The following AK7 variants were observed in gnomAD, a reference collection of about 807,000 sequenced individuals.
The protein encoded by AK7 is ATP-AMP transphosphorylase 7.
Under a neutral mutation model 96.6 loss-of-function variants are expected in AK7, and 78 were observed. The observed-to-expected ratio is 0.81, with a 90% CI of 0.67 to 0.97. The LOEUF (loss-of-function observed/expected upper bound fraction) is 0.97. Ranked by LOEUF, AK7 falls within the 50% of genes least tolerant of loss-of-function variation. AK7 has a pLI of 0.00. For synonymous variants in AK7, 302 were observed against 317.2 expected (o/e 0.95, Z 0.51); for missense variants, 855 against 887.9 (o/e 0.96, Z 0.47).
chr14:96,415,327 A>G (rs957086770), intron 4 of AK7, among the ~76,000 whole-genome samples: 5 of 152,062 alleles, frequency 3.3e-5, no homozygotes, highest in African/African-American at 1.2e-4. Flanking sequence ...TTTTGAAAAG[A>G]AAAGAAAAAA....
At chr14:96,450,272 T>C (rs1893515057) in intron 9 of AK7, among the ~76,000 whole-genome samples, 1 of 151,862 alleles carries the variant, frequency 6.6e-6, no homozygotes, top group Admixed American at 6.6e-5. Flanking sequence ...CAAAATTAGC[T>C]GGGCATGGTG....
chr14:96,425,212 C>A (rs8015440), intron 5 of AK7, among the ~76,000 whole-genome samples: 91,573 of 151,966 alleles, frequency 0.6, 27,759 homozygotes, highest in East Asian at 0.68. Flanking sequence ...CCGATTATGG[C>A]CCAGGCACTG....
intron 8 of AK7, among the ~76,000 whole-genome samples, chr14:96,447,994 G>A (rs888553247): frequency 2.0e-5 from 3 of 151,810 alleles, no homozygotes; most frequent in African/African-American, 7.3e-5. Context: ...AGCCGTGCAT[G>A]GTGGTGTGCC....
intron 10 of AK7, among the ~76,000 whole-genome samples, chr14:96,454,993 C>T (rs1286863378): frequency 6.6e-6 from 1 of 151,942 alleles, no homozygotes; most frequent in Admixed American, 6.6e-5. Flanking sequence ...GGTGAAACCC[C>T]ATTTCTACTA....
intron 13 of AK7, among the ~76,000 whole-genome samples, chr14:96,471,858 C>G (rs766779858): frequency 6.6e-6 from 1 of 151,684 alleles, no homozygotes; most frequent in Non-Finnish European, 1.5e-5. Context: ...ATACTTAACA[C>G]GAGATCTGCC....
intron 8 of AK7, 29 bp downstream of exon 8, chr14:96,446,636 G>A (rs771896000): frequency 6.2e-7 from 1 of 1,600,042 alleles, no homozygotes; most frequent in Admixed American, 1.7e-5. Context: ...ATACTTTGAT[G>A]ACATATCGTA....
Position 96,488,385 on chromosome 14 carries a change from G to C in AK7, c.*42G>C. 6.3e-7 allele frequency: 1 copy of C among 1,576,350 alleles called. No homozygotes were observed. The highest frequency in any genetic ancestry group is 8.7e-7 in the Non-Finnish European group (1 of 1,152,900). ...TATTATCTACCTTTACAGAACCACAGATCACTTATTATACTTTGAAAAATT... is the reference window on the plus strand; with the variant it reads ...TATTATCTACCTTTACAGAACCACACATCACTTATTATACTTTGAAAAATT... On this transcript the variant is annotated 3_prime_UTR_variant, in exon 18 of 18. Transcript: ENST00000267584.
intron 5 of AK7, among the ~76,000 whole-genome samples, chr14:96,435,112 C>A (rs889887553): frequency 5.3e-5 from 8 of 152,064 alleles, no homozygotes; most frequent in African/African-American, 1.9e-4. Flanking sequence ...GCCATGCTGG[C>A]ACCTAAGGTG....
At chr14:96,438,279 C>T (rs1044957561) in intron 6 of AK7, among the ~76,000 whole-genome samples, 14 of 151,926 alleles carry the variant, frequency 9.2e-5, no homozygotes, top group African/African-American at 9.7e-5. Flanking sequence ...ATAAGCAAGC[C>T]GGTAAATGTT....
rs1195141508 is a variant in AK7, at chr14:96,424,790, G to A, written c.609+3858G>A. On this transcript the variant is annotated intron_variant, in intron 5 of 17. Transcript: ENST00000267584. The stretch of plus-strand genomic sequence containing the variant: ...AATAAGTAAACGGGCTAGATTAGAT[G>A]GTTTAAATTTATTCCAGTTCTAAAT... Among the ~76,000 whole-genome samples the A allele has an allele frequency of 2.6e-5, 4 of 151,888 alleles. No individual in the cohort carries two copies. In the East Asian group the frequency reaches 5.8e-4, roughly 22 times the overall value.
chr14:96,420,892 A>T lies in AK7; in HGVS notation c.569A>T (p.His190Leu). The change falls in exon 5 of 18, where the codon CAC becomes CTC. Residue 190 changes from histidine (H) to leucine (L), a missense_variant. His to Leu is a moderately conservative substitution (Grantham distance 99, BLOSUM62 -3). Coordinates refer to ENST00000267584, the MANE Select transcript of AK7 (RefSeq NM_152327.5). Reference sequence around the variant, plus strand: ...AAGTCTCATCCTAATTTTCTGGACCACATAAATGCTGAAAAAATGGTTCTC... The same window carrying T: ...AAGTCTCATCCTAATTTTCTGGACCTCATAAATGCTGAAAAAATGGTTCTC... ...RRKSHPNFLD[H>L]INAEKMVLKF... 1 of 1,613,518 alleles carries T rather than the reference A, an allele frequency of 6.2e-7. No individual in the cohort carries two copies.
rs144934623 is a variant in AK7 at position 96,404,772 on chromosome 14, G to T, written c.310G>T (p.Asp104Tyr). 211 of 1,603,894 alleles carry T rather than the reference G, an allele frequency of 1.3e-4. No homozygotes were observed. Among genetic ancestry groups the T allele is most frequent in the Non-Finnish European group, 1.7e-4 (196 of 1,171,776 alleles). ...TCTTTTTCAGGCCATCTCTCGAGAAGACCTTCTCATGCGCCTGCTGGAGTG... is the reference window on the plus strand; with the variant it reads ...TCTTTTTCAGGCCATCTCTCGAGAATACCTTCTCATGCGCCTGCTGGAGTG... ...VETYSAISRE[D>Y]LLMRLLECDV... The change falls in exon 3 of 18, where the codon GAC becomes TAC. Residue 104 changes from aspartate to tyrosine, a missense_variant. Coordinates refer to ENST00000267584, the MANE Select transcript of AK7 (RefSeq NM_152327.5).
chr14:96,444,019 C>A (rs1893099097), intron 7 of AK7, among the ~76,000 whole-genome samples: 6 of 152,140 alleles, frequency 3.9e-5, no homozygotes. Context: ...TCATGATCCA[C>A]CCGCCTCAGC....
At chr14:96,466,904 T>C (rs1894597418) in intron 12 of AK7, among the ~76,000 whole-genome samples, 1 of 152,198 alleles carries the variant, frequency 6.6e-6, no homozygotes, top group African/African-American at 2.4e-5. Context: ...TTTTTTCTAA[T>C]GCTGCCCAAA....
At chr14:96,451,874 T>C (rs1015967348) in intron 10 of AK7, among the ~76,000 whole-genome samples, 7 of 152,172 alleles carry the variant, frequency 4.6e-5, no homozygotes, top group Admixed American at 3.3e-4. Flanking sequence ...TAGATAATAA[T>C]GTACGCAAAT....
intron 14 of AK7, among the ~76,000 whole-genome samples, 187 bp from the exon 15 acceptor site, chr14:96,478,278 G>A (rs1435238305): frequency 1.3e-5 from 2 of 152,084 alleles, no homozygotes; most frequent in Admixed American, 1.3e-4. Flanking sequence ...GGCCTCATAG[G>A]GTGGTCTCTG....
chr14:96,433,749 G>A (rs1892486500), intron 5 of AK7, among the ~76,000 whole-genome samples: 1 of 152,152 alleles, frequency 6.6e-6, no homozygotes, highest in Admixed American at 6.5e-5. Context: ...GAGAAGAAGA[G>A]GTGCTCTGTT....
At chr14:96,416,810 A>G (rs530271597) in intron 4 of AK7, among the ~76,000 whole-genome samples, 1 of 152,358 alleles carries the variant, frequency 6.6e-6, no homozygotes, top group African/African-American at 2.4e-5. Context: ...GCAAAGGTGC[A>G]TCATACACAA....
intron 4 of AK7, among the ~76,000 whole-genome samples, chr14:96,412,734 T>A (rs546223081): frequency 6.6e-6 from 1 of 151,416 alleles, no homozygotes; most frequent in South Asian, 2.1e-4. Flanking sequence ...CCTGTCTAAT[T>A]TTTTGTATTT....
Sources: gnomAD v4.1 joint callset for allele counts (sites outside exome capture counted in the v4.1 genomes callset) on GRCh38, gnomAD v4.1.1 for gene constraint, MANE v1.5 for transcripts, NCBI Gene and HGNC (gene_info 2026-07-23, HGNC 2026-07-21) for gene names.